Variants in EPB41L4B observed in about 807,000 individuals in gnomAD.
EPB41L4B encodes band 4.1-like protein 4B.
In EPB41L4B, 30 loss-of-function variants were observed where a neutral mutation model predicts 112.5. The observed-to-expected ratio is 0.27, with a 90% confidence interval of 0.20 to 0.36. EPB41L4B has a LOEUF of 0.36. EPB41L4B is among the 10% of genes least tolerant of loss of function. The probability of loss-of-function intolerance (pLI) is 1.00; values close to 1 mark genes in which losing one functional copy is unlikely to be tolerated. For synonymous variants in EPB41L4B, 408 were observed against 439.7 expected (o/e 0.93, Z 0.90); for missense variants, 1,024 against 1,133.3 (o/e 0.90, Z 1.38).
intron 15 of EPB41L4B, chr9:109,239,935 C>A (rs982583297): frequency 1.0e-6 from 1 of 985,448 alleles, no homozygotes; most frequent in Non-Finnish European, 1.2e-6. Flanking sequence ...ACAACCTTCA[C>A]CAGAGTTGCC....
chr9:109,246,387 T>C (rs1272398728), intron 14 of EPB41L4B, among the ~76,000 whole-genome samples: 1 of 152,202 alleles, frequency 6.6e-6, no homozygotes, highest in Non-Finnish European at 1.5e-5. Context: ...CTTGAATTCT[T>C]GGGCTCAAGT....
intron 15 of EPB41L4B, among the ~76,000 whole-genome samples, chr9:109,230,288 G>C (rs1199342878): frequency 6.6e-6 from 1 of 152,154 alleles, no homozygotes; most frequent in African/African-American, 2.4e-5. Flanking sequence ...CAGGTAACCT[G>C]GGCTCTCTGA....
At chr9:109,234,468 T>A (rs1834067927) in intron 15 of EPB41L4B, among the ~76,000 whole-genome samples, 1 of 152,176 alleles carries the variant, frequency 6.6e-6, no homozygotes, top group Admixed American at 6.5e-5. Flanking sequence ...ATGCTAACAA[T>A]GTTTGCTTCC....
chr9:109,306,876 G>A (rs1330375969), intron 1 of EPB41L4B, among the ~76,000 whole-genome samples: 1 of 152,068 alleles, frequency 6.6e-6, no homozygotes, highest in Non-Finnish European at 1.5e-5. Flanking sequence ...ATCCACTGGG[G>A]GCCACCAAGG....
chr9:109,187,028 T>C (rs1293166056), intron 22 of EPB41L4B, among the ~76,000 whole-genome samples: 2 of 152,140 alleles, frequency 1.3e-5, no homozygotes, highest in African/African-American at 4.8e-5. Context: ...GTCCAACAGC[T>C]TGTACTGGTG....
chr9:109,177,271 C>T (rs760564921), intron 24 of EPB41L4B, among the ~76,000 whole-genome samples: 1 of 152,132 alleles, frequency 6.6e-6, no homozygotes, highest in Non-Finnish European at 1.5e-5. Context: ...TCAGCATTAT[C>T]TTAAAACTTG....
At chr9:109,304,175 G>C (rs1362304028) in intron 1 of EPB41L4B, among the ~76,000 whole-genome samples, 1 of 152,188 alleles carries the variant, frequency 6.6e-6, no homozygotes, top group Non-Finnish European at 1.5e-5. Flanking sequence ...GATACATAAA[G>C]TGCTCAGAAC....
chr9:109,307,015 G>GTTTTTTTTT (rs534923556), intron 1 of EPB41L4B, among the ~76,000 whole-genome samples: 3 of 124,516 alleles, frequency 2.4e-5, no homozygotes, highest in Admixed American at 8.4e-5. Flanking sequence ...TGCTGCAGTT[G>GTTTTTTTTT]TTTTTTTTTT....
At chr9:109,254,546 T>C (rs1294369330) in intron 11 of EPB41L4B, among the ~76,000 whole-genome samples, 2 of 152,226 alleles carry the variant, frequency 1.3e-5, no homozygotes, top group African/African-American at 2.4e-5. Flanking sequence ...TATGAAACCA[T>C]GTGAAGTTTT....
intron 5 of EPB41L4B, among the ~76,000 whole-genome samples, chr9:109,263,339 T>G (rs1380802738): frequency 1.3e-5 from 2 of 152,240 alleles, no homozygotes. Context: ...CTATCAATCG[T>G]GTACAATTTT....
chr9:109,308,174 G>A (rs1300452370), intron 1 of EPB41L4B, among the ~76,000 whole-genome samples: 1 of 151,978 alleles, frequency 6.6e-6, no homozygotes, highest in African/African-American at 2.4e-5. Flanking sequence ...GTTCATGGAG[G>A]GCCTCCCGAG....
At chr9:109,261,974 A>G (rs1377801717) in intron 6 of EPB41L4B, among the ~76,000 whole-genome samples, 1 of 152,204 alleles carries the variant, frequency 6.6e-6, no homozygotes, top group African/African-American at 2.4e-5. Flanking sequence ...AGTGCACAAC[A>G]TATGTCTATC....
At chr9:109,227,770 C>G (rs1241214536) in intron 15 of EPB41L4B, among the ~76,000 whole-genome samples, 2 of 152,062 alleles carry the variant, frequency 1.3e-5, no homozygotes, top group African/African-American at 2.4e-5. Context: ...TTAGTAGAGA[C>G]AGGGTTTCAC....
At chr9:109,257,923 G>A (rs1479497541) in intron 7 of EPB41L4B, among the ~76,000 whole-genome samples, 4 of 152,172 alleles carry the variant, frequency 2.6e-5, no homozygotes, top group African/African-American at 9.7e-5. Context: ...TGAGCATTGG[G>A]AGGTCGAGGA....
intron 7 of EPB41L4B, among the ~76,000 whole-genome samples, chr9:109,257,735 C>T (rs191747577): frequency 6.0e-4 from 91 of 152,322 alleles, no homozygotes; most frequent in African/African-American, 2.0e-3. Context: ...TGGCTCCTGC[C>T]TGTAATCCCA....
chr9:109,292,603 G>T (rs1293789982), intron 1 of EPB41L4B, among the ~76,000 whole-genome samples: 1 of 152,146 alleles, frequency 6.6e-6, no homozygotes, highest in Admixed American at 6.5e-5. Context: ...TACACCAAAA[G>T]ACAAGCAAGT....
At chr9:109,272,277 C>T (rs1360772367) in intron 2 of EPB41L4B, among the ~76,000 whole-genome samples, 1 of 151,972 alleles carries the variant, frequency 6.6e-6, no homozygotes, top group African/African-American at 2.4e-5. Context: ...GGCAACATAG[C>T]AAGACCCCAT....
intron 1 of EPB41L4B, among the ~76,000 whole-genome samples, chr9:109,309,922 G>C (rs79596593): frequency 6.6e-6 from 1 of 152,258 alleles, no homozygotes; most frequent in African/African-American, 2.4e-5. Context: ...GAGAAGAATG[G>C]ATTAGGGAAG....
At position 109,320,836 on chromosome 9, in the gene EPB41L4B, C is replaced by A. The variant is rs1343288817; in HGVS notation, c.-390G>T. On this transcript the variant is annotated 5_prime_UTR_variant, in exon 1 of 26. Transcript: ENST00000374566. Reference sequence around the variant, plus strand: ...GGCGGGCTGCGGGCTGCTCCCGCGCCGCGCGCCGGCCGAGGGCCAGCCGGA... The same window carrying A: ...GGCGGGCTGCGGGCTGCTCCCGCGCAGCGCGCCGGCCGAGGGCCAGCCGGA... 6.9e-6 allele frequency: 1 copy of A among 145,612 alleles called. No homozygotes were observed. Among genetic ancestry groups the A allele is most frequent in the Non-Finnish European group, 1.5e-5 (1 of 65,516 alleles). 9.0% of individuals were successfully genotyped at this position (145,612 alleles called of 1,614,324 possible). A position where few individuals can be genotyped will look rare whatever the true frequency, so the allele number is the denominator to read the frequency against.
Sources: gnomAD v4.1 joint callset for allele counts (sites outside exome capture counted in the v4.1 genomes callset) on GRCh38, gnomAD v4.1.1 for gene constraint, MANE v1.5 for transcripts, NCBI Gene and HGNC (gene_info 2026-07-23, HGNC 2026-07-21) for gene names.